The following MKS1 variants were observed in gnomAD, a reference collection of about 807,000 sequenced individuals.
MKS1 encodes the protein tectonic-like complex member MKS1.
Under a neutral mutation model 83.7 loss-of-function variants are expected in MKS1, and 70 were observed. The ratio of observed to expected loss-of-function variants is 0.84; its 90% CI spans 0.69 to 1.02. The LOEUF is 1.02. Ranked by LOEUF, MKS1 falls within the 50% of genes least tolerant of loss-of-function variation. The pLI is 0.00. For synonymous variants in MKS1, 251 were observed against 273.4 expected (o/e 0.92, Z 0.81); for missense variants, 681 against 726.9 (o/e 0.94, Z 0.73).
intron 2 of MKS1, among the ~76,000 whole-genome samples, chr17:58,217,929 C>T (rs964877987): frequency 1.3e-5 from 2 of 152,198 alleles, no homozygotes; most frequent in Non-Finnish European, 2.9e-5. Flanking sequence ...CAGCTCTGAA[C>T]AGAAAGAGAA....
In MKS1 at chr17:58,209,537, C is replaced by T. The variant is rs73993626; in HGVS notation, c.1025-954G>A. On this transcript the variant is annotated intron_variant, in intron 11 of 17. Transcript: ENST00000393119. The surrounding 1 kb of genome is among the most constrained non-coding windows in gnomAD (Gnocchi z 4.1). ...GTGGTAAGAGAAGGCCTCTCAGAGG[C>T]GACACAGGCTGAGACCTAAACTCAG... Among the ~76,000 whole-genome samples, 4,448 of 152,178 alleles carry T rather than the reference C, an allele frequency of 0.029. 223 individuals carry two copies. Among genetic ancestry groups the T allele is most frequent in the African/African-American group, 0.1 (4,189 of 41,458 alleles).
rs1397496518 is a variant in MKS1, at chr17:58,218,892, T to C, written c.81-163A>G. 3.6e-6 allele frequency: 3 copies of C among 828,580 alleles called. No homozygotes were observed. The African/African-American group carries it at 5.1e-5, about 14-fold the overall frequency. 51.3% of individuals were successfully genotyped at this position (828,580 alleles called of 1,614,324 possible). ...GGGTGCGCCGTCCTATGGGGAAGAATGAAGGGGAGAGGGTGTACTGGGGGC... is the reference window on the plus strand; with the variant it reads ...GGGTGCGCCGTCCTATGGGGAAGAACGAAGGGGAGAGGGTGTACTGGGGGC... On this transcript the variant is annotated intron_variant, in intron 1 of 17. Transcript: ENST00000393119.
chr17:58,216,343 G>A (rs1353764902), intron 3 of MKS1, 100 bp from the exon 4 acceptor site: 8 of 1,265,252 alleles, frequency 6.3e-6, no homozygotes, highest in South Asian at 1.2e-5. Context: ...CAGAACTGAT[G>A]CTATCTGACA....
At chr17:58,216,296 C>T (rs1969210801) in intron 3 of MKS1, 53 bp from the exon 4 acceptor site, 2 of 1,579,290 alleles carry the variant, frequency 1.3e-6, no homozygotes, top group Admixed American at 3.3e-5. Flanking sequence ...ATACATCAAA[C>T]TTTTGCTTCT....
At chr17:58,214,114 G>T in intron 6 of MKS1, 145 bp downstream of exon 6, 1 of 1,262,250 alleles carries the variant, frequency 7.9e-7, no homozygotes, top group Non-Finnish European at 1.1e-6. Context: ...AGTTGGCAGT[G>T]AGAAGCTTCA....
intron 1 of MKS1, 37 bp from the exon 2 acceptor site, chr17:58,218,766 C>A (rs375521814): frequency 5.2e-6 from 8 of 1,527,502 alleles, no homozygotes; most frequent in Admixed American, 3.3e-5. Context: ...TTACCAGACA[C>A]GCAACCAGGA....
At position 58,206,137 on chromosome 17, in the gene MKS1, T is replaced by C; in HGVS notation, c.1622A>G (p.Glu541Gly). ...GTCCTGCGGGAGGCTTTCCCGGGCC[T>C]CCTGCATGCGGCGCCGGGCTCGACG... ...AFRRARRRMQ[E>G]ARESLPQDLV... The change falls in exon 18 of 18, where the codon GAG becomes GGG. Residue 541 changes from glutamate to glycine, a missense_variant. By Grantham distance (98) the Glu-to-Gly change is moderately conservative. Coordinates refer to ENST00000393119, the MANE Select transcript of MKS1 (RefSeq NM_017777.4). The C allele has an allele frequency of 6.2e-7, 1 of 1,613,760 alleles. No homozygotes were observed. Among genetic ancestry groups the C allele is most frequent in the Middle Eastern group, 1.7e-4 (1 of 6,048 alleles).
rs587779734 is a variant in MKS1, at chr17:58,218,700, T to C, written c.110A>G (p.Asn37Ser). Residue 37 changes from asparagine (N) to serine (S), a missense_variant, in exon 2 of 18, where the codon AAC (asparagine) becomes AGC (serine). Physicochemically the swap from Asn to Ser is conservative, Grantham distance 46 (BLOSUM62 1). Transcript: ENST00000393119. Reference protein sequence around the residue: ...RVHLQRITSSNFLHYQPAAEL... With the variant: ...RVHLQRITSSSFLHYQPAAEL... ...GGCAGCAGGCTGATAATGAAGAAAGTTGCTTGATGTGATTCTTTGCAGGTG... is the reference window on the plus strand; with the variant it reads ...GGCAGCAGGCTGATAATGAAGAAAGCTGCTTGATGTGATTCTTTGCAGGTG... 13 of 1,613,698 alleles carry C rather than the reference T, an allele frequency of 8.1e-6. No individual in the cohort carries two copies. Among genetic ancestry groups the C allele is most frequent in the South Asian group, 3.3e-5 (3 of 91,062 alleles).
intron 15 of MKS1, 158 bp from the exon 16 acceptor site, chr17:58,206,705 T>C (rs1445990627): frequency 5.0e-6 from 4 of 801,524 alleles, no homozygotes; most frequent in Non-Finnish European, 8.3e-6. Context: ...TCAAGGCTAA[T>C]ACTGGGCTAT....
chr17:58,206,662 G>A (rs554979343), intron 15 of MKS1, 115 bp from the exon 16 acceptor site: 1 of 1,065,158 alleles, frequency 9.4e-7, no homozygotes, highest in African/African-American at 1.6e-5. Flanking sequence ...TTCTGTTGGG[G>A]AAACCTTATT....
Position 58,216,651 on chromosome 17 carries a change from G to C in MKS1, c.261+15C>G, listed in dbSNP as rs747519697. 2.5e-6 allele frequency: 4 copies of C among 1,613,648 alleles called. No individual in the cohort carries two copies. In the South Asian group the frequency reaches 4.4e-5, roughly 18 times the overall value. On this transcript the variant is annotated intron_variant, in intron 3 of 17. Coordinates refer to ENST00000393119, the MANE Select transcript of MKS1 (RefSeq NM_017777.4). ...CAGATGGAATAGACAGAGAAGACAA[G>C]AGACACTGGCTCACCTGGCTAAAGA...
chr17:58,206,468 G>T lies in MKS1; in HGVS notation c.1487C>A (p.Ser496Tyr), dbSNP rs764000969. Residue 496 changes from serine to tyrosine, a missense_variant, in exon 16 of 18, where the codon TCC becomes TAC. Physicochemically the swap from Ser to Tyr is moderately radical, Grantham distance 144. Transcript: ENST00000393119. ...VTFRLHCLQQSRAFMESSSLQ... is the reference protein window; with the variant it reads ...VTFRLHCLQQYRAFMESSSLQ... ...GGCAGAGGGCCAAGTCACTCACCTG[G>T]ACTGCTGCAGACAGTGCAAGCGGAA... The T allele has an allele frequency of 3.7e-6, 6 of 1,614,130 alleles. No homozygotes were observed. Among genetic ancestry groups the T allele is most frequent in the Non-Finnish European group, 5.1e-6 (6 of 1,180,008 alleles).
In MKS1 at chr17:58,216,675, G is replaced by C. The variant is rs969699321; in HGVS notation, c.252C>G (p.Leu84=). The part of the protein sequence containing the change: ...EEIVIGWQEK[L]FSQFEVDLYQ... ...AGAGACACTGGCTCACCTGGCTAAA[G>C]AGCTTCTCCTGCCACCCAATCACAA... Residue 84 remains leucine, a synonymous_variant, in exon 3 of 18, where the codon CTC becomes CTG. Transcript: ENST00000393119. 3.1e-6 allele frequency: 5 copies of C among 1,614,062 alleles called. No homozygotes were observed. The highest frequency in any genetic ancestry group is 4.2e-6 in the Non-Finnish European group (5 of 1,180,028).
In MKS1 at chr17:58,206,011, C is replaced by A; in HGVS notation, c.*68G>T. 1 of 1,554,562 alleles carries A rather than the reference C, an allele frequency of 6.4e-7. No homozygotes were observed. Among genetic ancestry groups the A allele is most frequent in the Non-Finnish European group, 8.7e-7 (1 of 1,151,582 alleles). ...GTCTCTAATCAGAAAGACGAAGAGG[C>A]AGGAGAGCACTGGCCTCAGATATCC... is the stretch of plus-strand genomic sequence containing the variant. On this transcript the variant is annotated 3_prime_UTR_variant, in exon 18 of 18. Coordinates refer to ENST00000393119, the MANE Select transcript of MKS1 (RefSeq NM_017777.4).
At chr17:58,207,755 CAG>C (rs1340879190) in intron 14 of MKS1, 137 bp downstream of exon 14, 1 of 854,156 alleles carries the variant, frequency 1.2e-6, no homozygotes, top group Non-Finnish European at 1.9e-6. Context: ...AGAAAGTCCT[CAG>C]AGGAACAGGA....
intron 7 of MKS1, 53 bp from the exon 8 acceptor site, chr17:58,213,143 C>T (rs1968982932): frequency 6.4e-7 from 1 of 1,551,298 alleles, no homozygotes; most frequent in Non-Finnish European, 8.9e-7. Flanking sequence ...GAGATGGGCC[C>T]TGGGATAGCT....
intron 5 of MKS1, 39 bp from the exon 6 acceptor site, chr17:58,214,426 C>G (rs1050180456): frequency 8.6e-5 from 139 of 1,611,990 alleles, no homozygotes; most frequent in Non-Finnish European, 1.1e-4. Flanking sequence ...CCTGGCACAC[C>G]CCAATGGAGC....
chr17:58,213,916 G>A, intron 6 of MKS1, 47 bp from the exon 7 acceptor site: 1 of 1,478,224 alleles, frequency 6.8e-7, no homozygotes, highest in Non-Finnish European at 9.5e-7. Context: ...GTCCTTCAGG[G>A]AAACAAGAAG....
rs904973107 is a variant in MKS1, at chr17:58,211,313, C to T, written c.916-291G>A. On this transcript the variant is annotated intron_variant, in intron 9 of 17. Coordinates refer to ENST00000393119, the MANE Select transcript of MKS1 (RefSeq NM_017777.4). ...TGTGGTGTGCAATGGGAAGCCAGAA[C>T]GCCCTCTTCCCTTTAGATGGCTGAG... 1.1e-4 allele frequency among the ~76,000 whole-genome samples: 16 copies of T among 152,212 alleles called. 1 individual carries two copies. Among genetic ancestry groups the T allele is most frequent in the Admixed American group, 7.9e-4 (12 of 15,280 alleles).
Sources: gnomAD v4.1 joint callset for allele counts (sites outside exome capture counted in the v4.1 genomes callset) on GRCh38, gnomAD v4.1.1 for gene constraint, Gnocchi (gnomAD v3.1) non-coding constraint, MANE v1.5 for transcripts, NCBI Gene and HGNC (gene_info 2026-07-23, HGNC 2026-07-21) for gene names.